The following GALNT13 variants were observed in gnomAD, a reference collection of about 807,000 sequenced individuals.
GALNT13 encodes the protein polypeptide N-acetylgalactosaminyltransferase 13, also known as UDP-GalNAc:polypeptide N-acetylgalactosaminyltransferase 13.
GALNT13 carries 28 observed loss-of-function variants against 64.2 expected under a neutral mutation model. That is an observed-to-expected ratio of 0.44 (90% confidence interval 0.32 to 0.60). GALNT13 has a LOEUF of 0.60. GALNT13 is among the 20% of genes least tolerant of loss of function. The pLI, the probability that GALNT13 is intolerant of heterozygous loss-of-function variation, is 0.05. For synonymous variants in GALNT13, 214 were observed against 224.6 expected, an observed-to-expected ratio of 0.95 and a Z score of 0.42; for missense variants, 577 against 669.8, an observed-to-expected ratio of 0.86 and a Z score of 1.53.
At chr2:154,260,470 A>G (rs1256499383) in intron 8 of GALNT13, among the ~76,000 whole-genome samples, 1 of 152,126 alleles carries the variant, frequency 6.6e-6, no homozygotes, top group African/African-American at 2.4e-5. Flanking sequence ...TTATATTACT[A>G]TTTTGCCTGT....
the GALNT13 span, among the ~76,000 whole-genome samples, chr2:153,548,662 C>T: frequency 1.3e-5 from 2 of 152,140 alleles, no homozygotes; most frequent in Admixed American, 6.6e-5. Flanking sequence ...TTGACTTATT[C>T]CAGTCTCTTT....
At chr2:153,389,061 A>T in the GALNT13 span, among the ~76,000 whole-genome samples, 7 of 152,076 alleles carry the variant, frequency 4.6e-5, no homozygotes, top group Non-Finnish European at 1.5e-5. Context: ...GCTCCTGTCA[A>T]TACAGTTCAT....
the GALNT13 span, among the ~76,000 whole-genome samples, chr2:153,722,688 A>G: frequency 7.2e-5 from 11 of 152,366 alleles, no homozygotes; most frequent in African/African-American, 2.6e-4. Context: ...CTGTGCAAAT[A>G]AACTAGAAAA....
the GALNT13 span, among the ~76,000 whole-genome samples, chr2:153,137,460 C>T: frequency 6.6e-6 from 1 of 152,020 alleles, no homozygotes; most frequent in Non-Finnish European, 1.5e-5. Flanking sequence ...GAACCTGGTA[C>T]ACGAAACCAC....
the GALNT13 span, among the ~76,000 whole-genome samples, chr2:153,128,488 G>A: frequency 7.2e-5 from 11 of 152,082 alleles, no homozygotes; most frequent in African/African-American, 2.7e-4. Context: ...ACAACACGTG[G>A]GAATTATGGG....
At chr2:153,449,730 G>T in the GALNT13 span, 1 of 155,442 alleles carries the variant, frequency 6.4e-6, no homozygotes, top group Non-Finnish European at 1.4e-5. Context: ...TCTTGTAAGG[G>T]CTGCTCTATG....
At chr2:153,882,743 CT>C (rs1686866525) in intron 1 of GALNT13, among the ~76,000 whole-genome samples, 1 of 151,666 alleles carries the variant, frequency 6.6e-6, no homozygotes, top group Non-Finnish European at 1.5e-5. Context: ...ATCCTCCTGC[CT>C]TAGCCTCCCA....
the GALNT13 span, among the ~76,000 whole-genome samples, chr2:153,106,730 A>C: frequency 2.0e-5 from 3 of 152,184 alleles, no homozygotes; most frequent in Non-Finnish European, 4.4e-5. Flanking sequence ...ATTCTTTATG[A>C]CTTGCAAATG....
the GALNT13 span, among the ~76,000 whole-genome samples, chr2:153,511,800 A>G: frequency 6.6e-6 from 1 of 152,228 alleles, no homozygotes; most frequent in African/African-American, 2.4e-5. Context: ...TTGATAAACC[A>G]TGTAATCCCA....
intron 3 of GALNT13, among the ~76,000 whole-genome samples, chr2:154,121,606 T>G (rs1348133679): frequency 6.6e-6 from 1 of 152,152 alleles, no homozygotes; most frequent in East Asian, 1.9e-4. Context: ...ATATTAAGAG[T>G]ACATTTACTA....
At chr2:153,718,373 GTC>G in the GALNT13 span, among the ~76,000 whole-genome samples, 1 of 151,480 alleles carries the variant, frequency 6.6e-6, no homozygotes, top group African/African-American at 2.4e-5. Flanking sequence ...AATCACCCGT[GTC>G]TGTTCCTGCT....
At chr2:153,533,232 G>T in the GALNT13 span, among the ~76,000 whole-genome samples, 1 of 151,924 alleles carries the variant, frequency 6.6e-6, no homozygotes, top group African/African-American at 2.4e-5. Flanking sequence ...TAGGTGGAGA[G>T]GCATTTATTT....
the GALNT13 span, among the ~76,000 whole-genome samples, chr2:153,240,876 C>T: frequency 1.3e-5 from 2 of 152,010 alleles, no homozygotes; most frequent in Non-Finnish European, 2.9e-5. Context: ...TCTGTAGCCC[C>T]ATGGTGGGGT....
At chr2:153,777,947 G>A in the GALNT13 span, among the ~76,000 whole-genome samples, 12 of 152,202 alleles carry the variant, frequency 7.9e-5, no homozygotes, top group Non-Finnish European at 1.3e-4. Flanking sequence ...ACATCAGCTT[G>A]GAGAATGAGT....
chr2:154,072,411 A>T (rs1484873202), intron 3 of GALNT13, among the ~76,000 whole-genome samples: 2 of 152,102 alleles, frequency 1.3e-5, no homozygotes, highest in Non-Finnish European at 2.9e-5. Flanking sequence ...GATGGAACAC[A>T]TTTATGTTTA....
the GALNT13 span, among the ~76,000 whole-genome samples, chr2:153,858,427 G>A: frequency 1.3e-5 from 2 of 152,158 alleles, no homozygotes; most frequent in Admixed American, 6.5e-5. Flanking sequence ...TTCAAGGAGC[G>A]CAGGGAGAGA....
chr2:154,142,480 C>G (rs1302306523), intron 4 of GALNT13, among the ~76,000 whole-genome samples: 1 of 133,378 alleles, frequency 7.5e-6, no homozygotes, highest in Non-Finnish European at 1.5e-5. Flanking sequence ...ACCTGAGAGG[C>G]AGAAGTTGGA....
the GALNT13 span, among the ~76,000 whole-genome samples, chr2:153,793,393 T>C: frequency 6.6e-6 from 1 of 152,212 alleles, no homozygotes; most frequent in Non-Finnish European, 1.5e-5. Flanking sequence ...GCACTTTCTC[T>C]TTACAATCCA....
intron 11 of GALNT13, 32 bp from the exon 12 acceptor site, chr2:154,438,560 A>AT (rs11352693): frequency 2.5e-5 from 38 of 1,549,454 alleles, no homozygotes; most frequent in African/African-American, 1.5e-4. Context: ...TAAAACATAC[A>AT]TTTTTTTTAT....
Sources: gnomAD v4.1 joint callset for allele counts (sites outside exome capture counted in the v4.1 genomes callset) on GRCh38, gnomAD v4.1.1 for gene constraint, MANE v1.5 for transcripts, NCBI Gene and HGNC (gene_info 2026-07-23, HGNC 2026-07-21) for gene names.